Variants in MAPK10 observed in about 807,000 individuals in gnomAD.
The protein encoded by MAPK10 is mitogen-activated protein kinase 10.
A neutral mutation model predicts 59.3 loss-of-function variants in MAPK10; 25 were observed. That is an observed-to-expected ratio of 0.42 (90% CI 0.31 to 0.59). The LOEUF (loss-of-function observed/expected upper bound fraction) is 0.59, where lower values mean the gene tolerates loss of function less well. Ranked by LOEUF, MAPK10 falls within the 20% of genes least tolerant of loss-of-function variation. The pLI is 0.15. For missense variants in MAPK10, 351 were observed against 568.9 expected (o/e 0.62, Z 3.90); for synonymous variants, 190 against 200.5 (o/e 0.95, Z 0.44).
chr4:86,100,713 T>C (rs780014630), intron 8 of MAPK10: 5 of 183,268 alleles, frequency 2.7e-5, no homozygotes, highest in Non-Finnish European at 4.6e-5. Context: ...GCTTTCACAC[T>C]CATGCTCAGC....
At chr4:86,413,007 T>C (rs1351729432) in intron 1 of MAPK10, among the ~76,000 whole-genome samples, 1 of 152,212 alleles carries the variant, frequency 6.6e-6, no homozygotes, top group Non-Finnish European at 1.5e-5. Context: ...ATTTTCAGCT[T>C]TTCTGCTCTA....
chr4:86,072,052 T>A (rs1341886698), intron 9 of MAPK10, among the ~76,000 whole-genome samples: 1 of 146,494 alleles, frequency 6.8e-6, no homozygotes, highest in Non-Finnish European at 1.5e-5. Context: ...TTTGTTTGTA[T>A]CCTCTTTTAT....
chr4:86,148,256 A>AC (rs1261610157), intron 4 of MAPK10, among the ~76,000 whole-genome samples: 1 of 152,178 alleles, frequency 6.6e-6, no homozygotes, highest in African/African-American at 2.4e-5. Flanking sequence ...AGAAAAGGTG[A>AC]CCCCATAACT....
chr4:86,543,758 T>C (rs1758913721), intron 1 of MAPK10, among the ~76,000 whole-genome samples: 1 of 151,952 alleles, frequency 6.6e-6, no homozygotes, highest in Admixed American at 6.6e-5. Context: ...GGAGTCAAGC[T>C]GGGTCCAAAA....
At chr4:86,455,125 A>G (rs1282779231), upstream of MAPK10, among the ~76,000 whole-genome samples, 3 of 152,188 alleles carry the variant, frequency 2.0e-5, no homozygotes, top group African/African-American at 7.2e-5. Flanking sequence ...AAGAATTGCT[A>G]AAAGGAGGTC....
intron 3 of MAPK10, among the ~76,000 whole-genome samples, chr4:86,167,830 C>A (rs1008998963): frequency 5.3e-5 from 8 of 152,152 alleles, no homozygotes; most frequent in Non-Finnish European, 7.3e-5. Flanking sequence ...GACAAGGATG[C>A]CCTCTATCAC....
intron 6 of MAPK10, 38 bp from the exon 7 acceptor site, chr4:86,102,070 A>G: frequency 6.3e-7 from 1 of 1,585,300 alleles, no homozygotes; most frequent in Non-Finnish European, 8.7e-7. Context: ...TCCAGATCAC[A>G]AGATCTATGA....
At position 86,017,483 on chromosome 4, in the gene MAPK10, C is replaced by A; in HGVS notation, c.1253-113G>T. 8.4e-7 allele frequency: 1 copy of A among 1,188,206 alleles called. No individual in the cohort carries two copies. Among genetic ancestry groups the A allele is most frequent in the Admixed American group, 2.0e-5 (1 of 50,862 alleles). The allele number at this position is 1,188,206 out of a possible 1,614,324, so 73.6% of individuals were successfully genotyped here. A position where few individuals can be genotyped will look rare whatever the true frequency, so the allele number is the denominator to read the frequency against. Reference sequence around the variant, plus strand: ...AATAGGGGATGTCCAGTCCATCAATCATTTGGCAAGCCTTTATAGAGCAGC... The same window carrying A: ...AATAGGGGATGTCCAGTCCATCAATAATTTGGCAAGCCTTTATAGAGCAGC... On this transcript the variant is annotated intron_variant, in intron 13 of 13. Transcript: ENST00000641462. The surrounding 1 kb of genome is among the most constrained non-coding windows in gnomAD (Gnocchi z 4.4).
intron 1 of MAPK10, among the ~76,000 whole-genome samples, chr4:86,396,185 A>C (rs1279475337): frequency 6.6e-6 from 1 of 152,144 alleles, no homozygotes; most frequent in Non-Finnish European, 1.5e-5. Flanking sequence ...GTCTCTACTA[A>C]AAATACAAAA....
At chr4:86,350,913 T>C (rs1472086917) in intron 2 of MAPK10, among the ~76,000 whole-genome samples, 1 of 152,116 alleles carries the variant, frequency 6.6e-6, no homozygotes, top group Non-Finnish European at 1.5e-5. Flanking sequence ...GGTTAGGAAA[T>C]AGAATAGGTT....
At chr4:86,262,138 AGTGGGACTTTTGAGAG>A (rs1194430919) in intron 2 of MAPK10, among the ~76,000 whole-genome samples, 2 of 152,216 alleles carry the variant, frequency 1.3e-5, no homozygotes, top group Non-Finnish European at 2.9e-5. Flanking sequence ...AGTGTTGAGA[AGTGGGACTTTTGAGAG>A]GTGGGACTTT....
chr4:86,055,525 CA>C (rs1287761688), intron 11 of MAPK10, among the ~76,000 whole-genome samples: 1 of 148,932 alleles, frequency 6.7e-6, no homozygotes, highest in East Asian at 1.9e-4. Flanking sequence ...AAGCATGTTT[CA>C]AAAAAAATCT....
At chr4:86,461,427 A>G (rs1413893744) in intron 1 of MAPK10, among the ~76,000 whole-genome samples, 1 of 152,144 alleles carries the variant, frequency 6.6e-6, no homozygotes, top group Non-Finnish European at 1.5e-5. Context: ...AAAGACCTGG[A>G]ATCAAGGCCG....
intron 2 of MAPK10, among the ~76,000 whole-genome samples, chr4:86,296,961 C>T (rs1228422513): frequency 6.6e-6 from 1 of 152,166 alleles, no homozygotes; most frequent in Admixed American, 6.5e-5. Context: ...CAGTGGTTAT[C>T]AAACTTCGTG....
intron 1 of MAPK10, among the ~76,000 whole-genome samples, chr4:86,443,057 C>T (rs1162823393): frequency 6.6e-6 from 1 of 152,136 alleles, no homozygotes; most frequent in Non-Finnish European, 1.5e-5. Context: ...GAGCAGAAAC[C>T]TCTGAGGGAA....
intron 1 of MAPK10, among the ~76,000 whole-genome samples, chr4:86,568,837 A>C (rs1281815773): frequency 1.3e-5 from 2 of 152,172 alleles, no homozygotes; most frequent in Admixed American, 6.6e-5. Context: ...GAAACTATAA[A>C]AATCCAAAAG....
At chr4:86,515,422 T>C (rs888884808) in intron 1 of MAPK10, among the ~76,000 whole-genome samples, 1 of 152,198 alleles carries the variant, frequency 6.6e-6, no homozygotes, top group Non-Finnish European at 1.5e-5. Flanking sequence ...CTGTTTTTTA[T>C]AGTGGTTGTA....
intron 4 of MAPK10, among the ~76,000 whole-genome samples, chr4:86,142,203 A>G (rs920213355): frequency 1.3e-5 from 2 of 152,196 alleles, no homozygotes; most frequent in Non-Finnish European, 2.9e-5. Flanking sequence ...TTTTGGTGGG[A>G]AAAACAAAAC....
chr4:86,479,847 T>C (rs1753442286), intron 1 of MAPK10, among the ~76,000 whole-genome samples: 2 of 152,102 alleles, frequency 1.3e-5, no homozygotes, highest in East Asian at 1.9e-4. Context: ...AGACAAATGT[T>C]TCTTCTAACA....
Sources: gnomAD v4.1 joint callset for allele counts (sites outside exome capture counted in the v4.1 genomes callset) on GRCh38, gnomAD v4.1.1 for gene constraint, Gnocchi (gnomAD v3.1) non-coding constraint, MANE v1.5 for transcripts, NCBI Gene and HGNC (gene_info 2026-07-23, HGNC 2026-07-21) for gene names.